Variants in HEMK2 observed in about 807,000 individuals in gnomAD.
The protein encoded by HEMK2 is methyltransferase HEMK2.
the HEMK2 span, among the ~76,000 whole-genome samples, chr21:28,821,304 C>A: frequency 6.6e-6 from 1 of 152,172 alleles, no homozygotes; most frequent in Non-Finnish European, 1.5e-5. Flanking sequence ...TCGGCAACCT[C>A]AATCTGAATC....
chr21:28,829,030 A>G, the HEMK2 span, among the ~76,000 whole-genome samples: 3 of 152,192 alleles, frequency 2.0e-5, no homozygotes, highest in Admixed American at 2.0e-4. Flanking sequence ...AGTGGGTTTA[A>G]AGTTCATCTG....
At chr21:28,852,054 G>A in the HEMK2 span, among the ~76,000 whole-genome samples, 1 of 152,214 alleles carries the variant, frequency 6.6e-6, no homozygotes, top group Non-Finnish European at 1.5e-5. Context: ...AGATCCATCT[G>A]TCTTCTGTAC....
the HEMK2 span, among the ~76,000 whole-genome samples, chr21:28,791,572 AAGTT>A: frequency 9.2e-5 from 14 of 152,330 alleles, no homozygotes; most frequent in African/African-American, 3.4e-4. Flanking sequence ...AATCTTATAA[AAGTT>A]AATGTTTAAT....
the HEMK2 span, among the ~76,000 whole-genome samples, chr21:28,622,921 T>C: frequency 2.6e-5 from 4 of 152,146 alleles, no homozygotes; most frequent in Admixed American, 6.5e-5. Context: ...GACATAGGCA[T>C]GGGCAAAGAC....
chr21:28,628,989 T>A, the HEMK2 span, among the ~76,000 whole-genome samples: 2 of 152,178 alleles, frequency 1.3e-5, no homozygotes, highest in Non-Finnish European at 2.9e-5. Context: ...TACCTGTTCA[T>A]AAGAATCACC....
chr21:28,584,817 C>T, the HEMK2 span, among the ~76,000 whole-genome samples: 6 of 152,056 alleles, frequency 3.9e-5, no homozygotes, highest in Admixed American at 6.6e-5. Flanking sequence ...AAGGGCACAA[C>T]CGAGATAGGA....
the HEMK2 span, among the ~76,000 whole-genome samples, chr21:28,779,922 T>C: frequency 9.9e-5 from 15 of 152,244 alleles, no homozygotes; most frequent in Non-Finnish European, 1.8e-4. Flanking sequence ...ATGCTGCTGT[T>C]TCCTGAGCAT....
the HEMK2 span, among the ~76,000 whole-genome samples, chr21:28,578,620 A>G: frequency 1.3e-5 from 2 of 152,174 alleles, no homozygotes; most frequent in African/African-American, 4.8e-5. Flanking sequence ...GGAGGATCAC[A>G]TTGGCTCATT....
chr21:28,742,502 T>C, the HEMK2 span, among the ~76,000 whole-genome samples: 2 of 152,174 alleles, frequency 1.3e-5, no homozygotes, highest in East Asian at 3.9e-4. Context: ...CAAGTGCTGG[T>C]AGCTAGAATA....
At chr21:28,656,851 T>C in the HEMK2 span, among the ~76,000 whole-genome samples, 2 of 152,114 alleles carry the variant, frequency 1.3e-5, no homozygotes, top group African/African-American at 4.8e-5. Flanking sequence ...TACTTGACCA[T>C]TGTGTAACTT....
the HEMK2 span, among the ~76,000 whole-genome samples, chr21:28,803,148 T>C: frequency 3.9e-5 from 6 of 152,204 alleles, no homozygotes; most frequent in African/African-American, 9.6e-5. Context: ...GGGAAGCAAC[T>C]GGCTTCTCAA....
At chr21:28,728,098 T>C in the HEMK2 span, among the ~76,000 whole-genome samples, 75 of 152,306 alleles carry the variant, frequency 4.9e-4, no homozygotes, top group African/African-American at 1.5e-3. Flanking sequence ...TAGAAAATAA[T>C]AAATTTGTGT....
the HEMK2 span, among the ~76,000 whole-genome samples, chr21:28,709,480 T>C: frequency 6.6e-6 from 1 of 152,182 alleles, no homozygotes; most frequent in African/African-American, 2.4e-5. Flanking sequence ...CAACCGGCTG[T>C]TATAAAAGAC....
chr21:28,609,648 GAAA>G, the HEMK2 span, among the ~76,000 whole-genome samples: 1 of 82,846 alleles, frequency 1.2e-5, no homozygotes, highest in Admixed American at 1.3e-4. Flanking sequence ...CCAACTTAAA[GAAA>G]AAAAAAAAAA....
chr21:28,736,591 T>C, the HEMK2 span, among the ~76,000 whole-genome samples: 1 of 152,008 alleles, frequency 6.6e-6, no homozygotes, highest in Non-Finnish European at 1.5e-5. Flanking sequence ...ACCCCACCTG[T>C]TGGTCTGTAC....
chr21:28,691,511 G>A, the HEMK2 span, among the ~76,000 whole-genome samples: 6 of 152,018 alleles, frequency 3.9e-5, no homozygotes, highest in Non-Finnish European at 8.8e-5. Context: ...GTCTCTGGTG[G>A]GTTCCTTGAA....
the HEMK2 span, among the ~76,000 whole-genome samples, chr21:28,819,725 T>A: frequency 6.6e-6 from 1 of 151,982 alleles, no homozygotes; most frequent in Non-Finnish European, 1.5e-5. Context: ...ATTTTTTGTA[T>A]TTTTAGTAGA....
chr21:28,645,871 G>C, the HEMK2 span, among the ~76,000 whole-genome samples: 1 of 152,160 alleles, frequency 6.6e-6, no homozygotes, highest in Admixed American at 6.5e-5. Context: ...CCAGCCTTCA[G>C]AACTGTGAGC....
At chr21:28,811,940 T>C in the HEMK2 span, among the ~76,000 whole-genome samples, 1 of 152,204 alleles carries the variant, frequency 6.6e-6, no homozygotes, top group African/African-American at 2.4e-5. Flanking sequence ...CTTTCTTCCC[T>C]TAAGGGGTTA....
Sources: allele counts gnomAD v4.1 joint callset (sites outside exome capture counted in the v4.1 genomes callset), GRCh38; gene constraint gnomAD v4.1.1; transcripts MANE v1.5; gene names NCBI Gene and HGNC (gene_info 2026-07-23, HGNC 2026-07-21).